TMEM26: variants seen among roughly 807,000 people sequenced by gnomAD.
TMEM26 encodes the protein transmembrane protein 26.
A neutral mutation model predicts 28.8 loss-of-function variants in TMEM26; 38 were observed. The observed-to-expected ratio is 1.32, with a 90% CI of 1.02 to 1.73. TMEM26 has a LOEUF of 1.73. TMEM26 is among the 40% of genes most tolerant of loss of function. The pLI, the probability that TMEM26 is intolerant of heterozygous loss-of-function variation, is 0.00. For missense variants in TMEM26, 518 were observed against 447.1 expected (o/e 1.16, Z -1.43); for synonymous variants, 227 against 182.9 (o/e 1.24, Z -1.95).
At position 61,429,183 on chromosome 10, in the gene TMEM26, G is replaced by A. The variant is rs10994760; in HGVS notation, c.385-37C>T. 7,542 of 1,533,998 alleles carry A rather than the reference G, an allele frequency of 4.9e-3. 326 individuals carry two copies. In the African/African-American group the frequency reaches 0.091, roughly 18 times the overall value. On this transcript the variant is annotated intron_variant, in intron 3 of 5. Coordinates refer to ENST00000399298, the MANE Select transcript of TMEM26 (RefSeq NM_178505.8). Reference sequence around the variant, plus strand: ...AAATGTCATACAGACAGGATTATCAGCCACCACCTGAGAGAGAAATATTTT... The same window carrying A: ...AAATGTCATACAGACAGGATTATCAACCACCACCTGAGAGAGAAATATTTT...
At chr10:61,452,752 G>T (rs956142772) in intron 1 of TMEM26, 139 bp downstream of exon 1, 4 of 1,102,480 alleles carry the variant, frequency 3.6e-6, no homozygotes, top group African/African-American at 1.6e-5. Context: ...AGCATCTCGC[G>T]CCTTCCAAGC....
At chr10:61,422,253 G>A (rs907605669) in intron 4 of TMEM26, among the ~76,000 whole-genome samples, 25 of 152,008 alleles carry the variant, frequency 1.6e-4, no homozygotes, top group African/African-American at 6.0e-4. Context: ...AGAACAAATA[G>A]ACACAAAATC....
rs542846872 is a variant in TMEM26 at position 61,433,706 on chromosome 10, A to T, written c.271-2374T>A. On this transcript the variant is annotated intron_variant, in intron 2 of 5. Transcript: ENST00000399298. ...AATGCCAAGTCATAGGTTAGAACAT[A>T]TAGTATATAGAGCAAACGGAAAATG... is the stretch of plus-strand genomic sequence containing the variant. Among the ~76,000 whole-genome samples, 4 of 152,286 alleles carry T rather than the reference A, an allele frequency of 2.6e-5. No individual in the cohort carries two copies. The South Asian group carries it at 8.3e-4, about 32-fold the overall frequency.
intron 4 of TMEM26, 27 bp downstream of exon 4, chr10:61,428,899 G>A: frequency 1.9e-6 from 3 of 1,598,270 alleles, no homozygotes; most frequent in Non-Finnish European, 2.6e-6. Context: ...CTGAAAACAA[G>A]GTGTTTTTGC....
intron 4 of TMEM26, chr10:61,416,185 T>C (rs1589026259): frequency 2.4e-6 from 1 of 418,564 alleles, no homozygotes; most frequent in Admixed American, 2.9e-5. Context: ...AAAAGAAATT[T>C]TTCACAAGAT....
At chr10:61,417,201 A>G (rs1839667027) in intron 4 of TMEM26, among the ~76,000 whole-genome samples, 1 of 152,034 alleles carries the variant, frequency 6.6e-6, no homozygotes, top group African/African-American at 2.4e-5. Flanking sequence ...ACAAATGTCA[A>G]CTGAGAAGCA....
chr10:61,411,236 G>A (rs560339657), intron 5 of TMEM26, among the ~76,000 whole-genome samples: 4 of 152,288 alleles, frequency 2.6e-5, no homozygotes, highest in South Asian at 2.1e-4. Flanking sequence ...CCTGGGCCAC[G>A]GTTTCTTCCT....
At chr10:61,444,861 C>T (rs1252881017) in intron 1 of TMEM26, among the ~76,000 whole-genome samples, 1 of 151,944 alleles carries the variant, frequency 6.6e-6, no homozygotes, top group Admixed American at 6.6e-5. Flanking sequence ...GCTGTAGCTT[C>T]CCCATCTGCA....
chr10:61,436,365 C>T, intron 1 of TMEM26, 117 bp from the exon 2 acceptor site: 2 of 565,050 alleles, frequency 3.5e-6, no homozygotes, highest in Non-Finnish European at 6.1e-6. Flanking sequence ...TGAGTCAAAC[C>T]TTTTCGTATA....
intron 1 of TMEM26, among the ~76,000 whole-genome samples, chr10:61,447,229 G>C (rs1488651165): frequency 6.6e-6 from 1 of 152,184 alleles, no homozygotes; most frequent in Non-Finnish European, 1.5e-5. Context: ...AGGAGGAAGA[G>C]TTTTATTTCC....
At chr10:61,421,163 G>A (rs1398042909) in intron 4 of TMEM26, among the ~76,000 whole-genome samples, 1 of 151,922 alleles carries the variant, frequency 6.6e-6, no homozygotes, top group Non-Finnish European at 1.5e-5. Flanking sequence ...ATTTTAAAAT[G>A]TATATTGTAA....
At chr10:61,442,776 T>C (rs528852257) in intron 1 of TMEM26, among the ~76,000 whole-genome samples, 1 of 152,372 alleles carries the variant, frequency 6.6e-6, no homozygotes, top group African/African-American at 2.4e-5. Context: ...CCTTCTTACA[T>C]GTAGACTCAT....
chr10:61,447,700 G>A (rs1475499874), intron 1 of TMEM26, among the ~76,000 whole-genome samples: 1 of 152,146 alleles, frequency 6.6e-6, no homozygotes, highest in Admixed American at 6.5e-5. Context: ...TTGAGGGTAT[G>A]TCAGAAATAT....
At chr10:61,436,063 G>A in intron 2 of TMEM26, 107 bp downstream of exon 2, 1 of 528,894 alleles carries the variant, frequency 1.9e-6, no homozygotes, top group South Asian at 4.8e-5. Context: ...TTCAATTCTT[G>A]CTAACTCCAG....
At chr10:61,424,245 A>G (rs750773943) in intron 4 of TMEM26, among the ~76,000 whole-genome samples, 3 of 152,184 alleles carry the variant, frequency 2.0e-5, no homozygotes, top group Non-Finnish European at 2.9e-5. Context: ...ACAGAAGTAA[A>G]CTGTGTTTCT....
intron 2 of TMEM26, among the ~76,000 whole-genome samples, chr10:61,435,127 T>A (rs1456644926): frequency 6.6e-6 from 1 of 152,204 alleles, no homozygotes; most frequent in African/African-American, 2.4e-5. Context: ...ATTAGAGTTG[T>A]CTGTGTAGAA....
intron 1 of TMEM26, among the ~76,000 whole-genome samples, chr10:61,443,821 C>G (rs751293887): frequency 6.6e-6 from 1 of 152,176 alleles, no homozygotes; most frequent in Non-Finnish European, 1.5e-5. Context: ...CAAGCACAAG[C>G]TTTATTACAA....
intron 1 of TMEM26, among the ~76,000 whole-genome samples, chr10:61,443,288 A>G (rs1244317398): frequency 6.9e-6 from 1 of 144,526 alleles, no homozygotes; most frequent in African/African-American, 2.8e-5. Context: ...TGTCTCTACT[A>G]AAAATACCAA....
intron 1 of TMEM26, among the ~76,000 whole-genome samples, chr10:61,437,611 C>A (rs1840029049): frequency 6.6e-6 from 1 of 152,012 alleles, no homozygotes; most frequent in African/African-American, 2.4e-5. Flanking sequence ...CGGTGAAAAC[C>A]CATCGCTACT....
Sources: allele counts gnomAD v4.1 joint callset (sites outside exome capture counted in the v4.1 genomes callset), GRCh38; gene constraint gnomAD v4.1.1; transcripts MANE v1.5; gene names NCBI Gene and HGNC (gene_info 2026-07-23, HGNC 2026-07-21).